The following ACADVL variants were observed in gnomAD, a reference collection of about 807,000 sequenced individuals.
The protein encoded by ACADVL is acyl-CoA dehydrogenase very long chain.
In ACADVL, 73 loss-of-function variants were observed where a neutral mutation model predicts 80.4. That is an observed-to-expected ratio of 0.91 (90% CI 0.75 to 1.10). The LOEUF is 1.10. Among genes scored for constraint, ACADVL ranks in the 50% least tolerant of loss-of-function variants. The pLI is 0.00. For synonymous variants in ACADVL, 392 were observed against 326.5 expected (o/e 1.20, Z -2.16); for missense variants, 878 against 858.9 (o/e 1.02, Z -0.28).
chr17:7,220,166 C>T lies in ACADVL; in HGVS notation c.107C>T (p.Ala36Val), dbSNP rs1165915680. The T allele has an allele frequency of 3.9e-6, 6 of 1,538,720 alleles. No individual in the cohort carries two copies. Among genetic ancestry groups the T allele is most frequent in the Non-Finnish European group, 5.2e-6 (6 of 1,148,616 alleles). ...CTGGGGCAGCCCCGGCCCGGCCCTG[C>T]CCGGCGGCCCTATGCCGGGGGTGCC... The part of the protein sequence containing the change: ...ALLGQPRPGP[A>V]RRPYAGGAAQ... Residue 36 changes from alanine to valine, a missense_variant, in exon 2 of 20, where the codon GCC (alanine) becomes GTC (valine). By Grantham distance (64) the Ala-to-Val change is moderately conservative. Coordinates refer to ENST00000356839, the MANE Select transcript of ACADVL (RefSeq NM_000018.4).
rs796051909 is a variant in ACADVL at position 7,221,595 on chromosome 17, G to T, written c.535G>T (p.Gly179Trp). The part of the protein sequence containing the change: ...MHDLGVGITL[G>W]AHQSIGFKGI... ...TGACCTTGGCGTGGGCATTACCCTG[G>T]GGGCCCATCAGAGCATCGGTTTCAA... The change falls in exon 7 of 20, where the codon GGG becomes TGG. Residue 179 changes from glycine to tryptophan, a missense_variant. Gly to Trp is a radical substitution (Grantham distance 184, BLOSUM62 -2). Transcript: ENST00000356839. 6.8e-6 allele frequency: 11 copies of T among 1,614,080 alleles called. No homozygotes were observed. Among genetic ancestry groups the T allele is most frequent in the South Asian group, 1.1e-5 (1 of 91,080 alleles).
rs552898973 is a variant in ACADVL at position 7,220,853 on chromosome 17, G to C, written c.342+23G>C. On this transcript the variant is annotated intron_variant, in intron 5 of 19. Transcript: ENST00000356839. ...GAGGTAAGGAATGACTCGGGGCTTG[G>C]TCCCTGGTGAGGTGTTTGGAGATGT... 6 of 1,613,926 alleles carry C rather than the reference G, an allele frequency of 3.7e-6. No homozygotes were observed. In the African/African-American group the frequency reaches 8.0e-5, roughly 22 times the overall value.
At chr17:7,217,163 CGCG>C, upstream of ACADVL, 2 of 1,287,536 alleles carry the variant, frequency 1.6e-6, no homozygotes, top group Non-Finnish European at 2.0e-6. Context: ...GGGGCCTGGC[CGCG>C]GCGGCGGGTA....
Position 7,220,540 on chromosome 17 carries a change from C to A in ACADVL, c.204+11C>A. 6.2e-7 allele frequency: 1 copy of A among 1,614,230 alleles called. No individual in the cohort carries two copies. The stretch of plus-strand genomic sequence containing the variant: ...AAACCGGCCAAGGCGGTAGGTAGCC[C>A]CGAGGCCAGGTGGACCTTAGCCAGA... On this transcript the variant is annotated intron_variant, in intron 3 of 19. Coordinates refer to ENST00000356839, the MANE Select transcript of ACADVL (RefSeq NM_000018.4).
rs372592554 is a variant in ACADVL, at chr17:7,219,949, A to G, written c.-36A>G. On this transcript the variant is annotated 5_prime_UTR_variant, in exon 1 of 20. Coordinates refer to ENST00000356839, the MANE Select transcript of ACADVL (RefSeq NM_000018.4). ...GCGTGCAGGACGCCAGAGCTGGGTC[A>G]GAGCTCGAGCCAGCGGCGCCCGGAG... 3,891 of 936,354 alleles carry G rather than the reference A, an allele frequency of 4.2e-3. 8 individuals are homozygous for G. Among genetic ancestry groups the G allele is most frequent in the Non-Finnish European group, 5.7e-3 (3,574 of 628,020 alleles). 58.0% of individuals were successfully genotyped at this position (936,354 alleles called of 1,614,324 possible).
At chr17:7,221,848 C>G in intron 7 of ACADVL, 104 bp from the exon 8 acceptor site, 1 of 1,598,160 alleles carries the variant, frequency 6.3e-7, no homozygotes, top group Non-Finnish European at 8.6e-7. Flanking sequence ...ACTGGATACT[C>G]CCAGGTGTTA....
chr17:7,220,552 G>A, intron 3 of ACADVL, 23 bp downstream of exon 3: 3 of 1,614,198 alleles, frequency 1.9e-6, no homozygotes, highest in Non-Finnish European at 2.5e-6. Flanking sequence ...GAGGCCAGGT[G>A]GACCTTAGCC....
At chr17:7,218,458 A>G, upstream of ACADVL, 1 of 1,451,178 alleles carries the variant, frequency 6.9e-7, no homozygotes, top group Non-Finnish European at 9.5e-7. Context: ...CTTGGACCAA[A>G]TGATCTCTGG....
upstream of ACADVL, chr17:7,217,299 G>C: frequency 1.9e-6 from 2 of 1,064,748 alleles, no homozygotes; most frequent in Non-Finnish European, 2.4e-6. Flanking sequence ...GGAAGGAGGG[G>C]GTTGGAGAAG....
intron 15 of ACADVL, 29 bp downstream of exon 15, chr17:7,224,272 G>T (rs1185395089): frequency 6.2e-7 from 1 of 1,613,466 alleles, no homozygotes; most frequent in Non-Finnish European, 8.5e-7. Flanking sequence ...CCAGGGGAGG[G>T]CAGGGTGGTG....
rs2071123186 is a variant in ACADVL, at chr17:7,220,184, G to C, written c.125G>C (p.Gly42Ala). ...RPGPARRPYA[G>A]GAAQLALDKS... ...GGCCCTGCCCGGCGGCCCTATGCCG[G>C]GGGTGCCGCTCAGGTAAGTCACCGC... The change falls in exon 2 of 20, where the codon GGG becomes GCG. Residue 42 changes from glycine (G) to alanine (A), a missense_variant. Physicochemically the swap from Gly to Ala is moderately conservative, Grantham distance 60. Transcript: ENST00000356839. 6.5e-7 allele frequency: 1 copy of C among 1,534,434 alleles called. No individual in the cohort carries two copies. The highest frequency in any genetic ancestry group is 1.4e-5 in the African/African-American group (1 of 73,438).
At chr17:7,217,798 G>A (rs757466308), upstream of ACADVL, 16 of 1,535,180 alleles carry the variant, frequency 1.0e-5, 1 homozygote, top group Middle Eastern at 3.3e-4. Context: ...AGCCACCAGC[G>A]ATGACAGCAA....
At chr17:7,224,419 C>G (rs1197949658) in intron 16 of ACADVL, 26 bp downstream of exon 16, 1 of 1,613,746 alleles carries the variant, frequency 6.2e-7, no homozygotes, top group South Asian at 1.1e-5. Context: ...TCCAGGAGAG[C>G]CTGCATCAGG....
chr17:7,221,383 A>C (rs1428507625), intron 6 of ACADVL, 155 bp from the exon 7 acceptor site: 1 of 1,347,238 alleles, frequency 7.4e-7, no homozygotes, highest in Non-Finnish European at 1.1e-6. Flanking sequence ...TGCACACCCC[A>C]CTTCTTTTCT....
chr17:7,221,075 G>A lies in ACADVL; in HGVS notation c.477+17G>A, dbSNP rs375076326. ...AACACCCAGGTGAGGGCGCCCTATC[G>A]CCACATCCCAGTATGCCATACCCCA... On this transcript the variant is annotated intron_variant, in intron 6 of 19. Transcript: ENST00000356839. The A allele has an allele frequency of 2.3e-5, 37 of 1,612,794 alleles. 1 individual carries two copies. Among genetic ancestry groups the A allele is most frequent in the African/African-American group, 5.3e-5 (4 of 74,986 alleles).
intron 1 of ACADVL, 22 bp from the exon 2 acceptor site, chr17:7,220,100 A>G (rs1311386502): frequency 6.3e-7 from 1 of 1,588,574 alleles, no homozygotes; most frequent in African/African-American, 1.3e-5. Flanking sequence ...CCGGGCCGGC[A>G]CTGAACCCCC....
In ACADVL at chr17:7,221,223, C is replaced by T. The variant is rs894346823; in HGVS notation, c.477+165C>T. The T allele has an allele frequency of 3.2e-6, 4 of 1,238,424 alleles. No individual in the cohort carries two copies. The Admixed American group carries it at 6.2e-5, about 19-fold the overall frequency. The allele number at this position is 1,238,424 out of a possible 1,614,324, so 76.7% of individuals were successfully genotyped here. A position where few individuals can be genotyped will look rare whatever the true frequency, so the allele number is the denominator to read the frequency against. On this transcript the variant is annotated intron_variant, in intron 6 of 19. Coordinates refer to ENST00000356839, the MANE Select transcript of ACADVL (RefSeq NM_000018.4). ...GTCCAAACATAACACAATTTACATG[C>T]AGTCCCCTAGGCCTGAGCCATGGGC...
In ACADVL at chr17:7,223,707, G is replaced by A. The variant is rs118204018; in HGVS notation, c.1246G>A (p.Ala416Thr). 1.5e-5 allele frequency: 25 copies of A among 1,613,970 alleles called. No homozygotes were observed. The East Asian group carries it at 4.5e-4, about 29-fold the overall frequency. ...AGCCACGGACTTCCAGATAGAGGCCGCCATCAGCAAAATCTTTGGCTCGGT... is the reference window on the plus strand; with the variant it reads ...AGCCACGGACTTCCAGATAGAGGCCACCATCAGCAAAATCTTTGGCTCGGT... ...QGATDFQIEAAISKIFGSEAA... is the reference protein window; with the variant it reads ...QGATDFQIEATISKIFGSEAA... Residue 416 changes from alanine to threonine, a missense_variant, in exon 12 of 20, where the codon GCC becomes ACC. By Grantham distance (58) the Ala-to-Thr change is moderately conservative. Coordinates refer to ENST00000356839, the MANE Select transcript of ACADVL (RefSeq NM_000018.4).
rs765346654 is a variant in ACADVL, at chr17:7,223,981, A to G, written c.1346A>G (p.Glu449Gly). 6.2e-7 allele frequency: 1 copy of G among 1,614,068 alleles called. No individual in the cohort carries two copies. Among genetic ancestry groups the G allele is most frequent in the Non-Finnish European group, 8.5e-7 (1 of 1,180,032 alleles). The part of the protein sequence containing the change: ...GMGFMKEPGV[E>G]RVLRDLRIFR... ...GCCCTGTGCTAGGAACCTGGAGTAG[A>G]GCGTGTGCTCCGAGATCTTCGCATC... is the stretch of plus-strand genomic sequence containing the variant. The change falls in exon 14 of 20, where the codon GAG (glutamate) becomes GGG (glycine). Residue 449 changes from glutamate (E) to glycine (G), a missense_variant. By Grantham distance (98) the Glu-to-Gly change is moderately conservative (BLOSUM62 -2). Transcript: ENST00000356839.
Sources: allele counts gnomAD v4.1 joint callset, GRCh38; gene constraint gnomAD v4.1.1; transcripts MANE v1.5; gene names NCBI Gene and HGNC (gene_info 2026-07-23, HGNC 2026-07-21).